The following COLGALT2 variants were observed in gnomAD, a reference collection of about 807,000 sequenced individuals.
COLGALT2 encodes the protein procollagen galactosyltransferase 2.
Under a neutral mutation model 73.4 loss-of-function variants are expected in COLGALT2, and 49 were observed. The observed-to-expected ratio is 0.67, with a 90% CI of 0.53 to 0.85. The LOEUF (loss-of-function observed/expected upper bound fraction) is 0.85. Ranked by LOEUF, COLGALT2 falls within the 40% of genes least tolerant of loss-of-function variation. The pLI is 0.00. For missense variants in COLGALT2, 722 were observed against 790.2 expected, an observed-to-expected ratio of 0.91 and a Z score of 1.03; for synonymous variants, 295 against 307.6, an observed-to-expected ratio of 0.96 and a Z score of 0.43.
In COLGALT2 at chr1:183,969,484, G is replaced by A. The variant is rs1430791832; in HGVS notation, c.628-11C>T. ...CCTCTTATAGAAGCCCTGTAAAAGA[G>A]CAAATAGGTGGGTTGTGTTTTCTGA... On this transcript the variant is annotated splice_polypyrimidine_tract_variant and intron_variant, in intron 4 of 11. Transcript: ENST00000361927. The A allele has an allele frequency of 6.3e-7, 1 of 1,594,288 alleles. No individual in the cohort carries two copies. The highest frequency in any genetic ancestry group is 8.5e-7 in the Non-Finnish European group (1 of 1,169,988).
chr1:183,976,317 C>T (rs1039976466), intron 2 of COLGALT2, among the ~76,000 whole-genome samples: 1 of 147,954 alleles, frequency 6.8e-6, no homozygotes, highest in African/African-American at 2.5e-5. Flanking sequence ...ATATACAGTC[C>T]ATGGGCTTGG....
chr1:183,994,026 CTTTTTTTTTTTT>C (rs869129633), intron 1 of COLGALT2, among the ~76,000 whole-genome samples: 18 of 70,040 alleles, frequency 2.6e-4, no homozygotes, highest in East Asian at 1.5e-3. Context: ...TCTTGTAATT[CTTTTTTTTTTTT>C]TTTTTTTTTT....
At chr1:184,015,860 C>T (rs994321946) in intron 1 of COLGALT2, among the ~76,000 whole-genome samples, 1 of 152,162 alleles carries the variant, frequency 6.6e-6, no homozygotes, top group Non-Finnish European at 1.5e-5. Flanking sequence ...TCCCTAAGTC[C>T]CAGCTGTAGA....
Position 183,962,802 on chromosome 1 carries a change from G to A in COLGALT2, c.952+1099C>T, listed in dbSNP as rs374351725. On this transcript the variant is annotated intron_variant, in intron 6 of 11. Transcript: ENST00000361927. ...TCCACCTACACTTTTCTTACCTGTA[G>A]AGTGACCTTTCTAAATCCAAATTCA... Among the ~76,000 whole-genome samples the A allele has an allele frequency of 7.9e-5, 12 of 152,322 alleles. No homozygotes were observed. The East Asian group carries it at 9.6e-4, about 12-fold the overall frequency.
At chr1:183,945,721 T>C (rs778128181) in intron 8 of COLGALT2, 157 bp from the exon 9 acceptor site, 3 of 790,084 alleles carry the variant, frequency 3.8e-6, no homozygotes, top group Non-Finnish European at 4.0e-6. Context: ...CAGGCTAATG[T>C]GTCACACTAG....
At chr1:183,986,587 CA>C (rs1396852092) in intron 1 of COLGALT2, among the ~76,000 whole-genome samples, 1 of 152,136 alleles carries the variant, frequency 6.6e-6, no homozygotes, top group Non-Finnish European at 1.5e-5. Flanking sequence ...ACAGTCAATT[CA>C]AAAGCCCATT....
At position 184,037,122 on chromosome 1, in the gene COLGALT2, T is replaced by G; in HGVS notation, c.236A>C (p.Asp79Ala). ...GATGGCCATCCTGCTCTTGGGGTAG[T>G]CCAGCCGCTCCAGGCAGCCGAGGAA... The part of the protein sequence containing the change: ...PHFLGCLERL[D>A]YPKSRMAIWA... The change falls in exon 1 of 12, where the codon GAC (aspartate) becomes GCC (alanine). Residue 79 changes from aspartate to alanine, a missense_variant. By Grantham distance (126) the Asp-to-Ala change is moderately radical (BLOSUM62 -2). Coordinates refer to ENST00000361927, the MANE Select transcript of COLGALT2 (RefSeq NM_015101.4). 1 of 1,596,214 alleles carries G rather than the reference T, an allele frequency of 6.3e-7. No individual in the cohort carries two copies. The highest frequency in any genetic ancestry group is 8.5e-7 in the Non-Finnish European group (1 of 1,173,702).
chr1:183,963,764 A>T, intron 6 of COLGALT2, 137 bp downstream of exon 6: 1 of 942,836 alleles, frequency 1.1e-6, no homozygotes, highest in Non-Finnish European at 1.5e-6. Context: ...GAAAGAATGA[A>T]CAAATAAATA....
chr1:183,977,812 A>AGAGAGAGAGAGAGAGAGAGAGAGAGAG (rs1553317022), intron 2 of COLGALT2, among the ~76,000 whole-genome samples: 6 of 52,318 alleles, frequency 1.1e-4, no homozygotes, highest in African/African-American at 2.3e-4. Context: ...GAAAGAGAGA[A>AGAGAGAGAGAGAGAGAGAGAGAGAGAG]AGAGAGAGAG....
chr1:184,015,096 T>TAAAAA (rs71717219), intron 1 of COLGALT2, among the ~76,000 whole-genome samples: 1 of 144,212 alleles, frequency 6.9e-6, no homozygotes, highest in Non-Finnish European at 1.5e-5. Context: ...TTCTAGTGGG[T>TAAAAA]AAAAAAAAAA....
At chr1:183,950,487 A>G (rs929367156) in intron 8 of COLGALT2, among the ~76,000 whole-genome samples, 1 of 152,076 alleles carries the variant, frequency 6.6e-6, no homozygotes, top group Non-Finnish European at 1.5e-5. Context: ...AAAAAAAAAA[A>G]AAGAAGGGAT....
In COLGALT2 at chr1:183,938,890, G is replaced by A. The variant is rs1670035534; in HGVS notation, c.1752C>T (p.Ala584=). 3.7e-6 allele frequency: 6 copies of A among 1,614,116 alleles called. No individual in the cohort carries two copies. The highest frequency in any genetic ancestry group is 5.1e-6 in the Non-Finnish European group (6 of 1,180,024). Reference sequence around the variant, plus strand: ...AGGCATGTGTCCTATCCCAGTCGGTGGCCACTGTCTCATTGTCCCAGATGG... The same window carrying A: ...AGGCATGTGTCCTATCCCAGTCGGTAGCCACTGTCTCATTGTCCCAGATGG... ...TSTIWDNETV[A]TDWDRTHAWK... is the part of the protein sequence containing the mutation. The change falls in exon 12 of 12, where the codon GCC becomes GCT. Residue 584 remains alanine, a synonymous_variant. Coordinates refer to ENST00000361927, the MANE Select transcript of COLGALT2 (RefSeq NM_015101.4).
At position 183,969,259 on chromosome 1, in the gene COLGALT2, C is replaced by T. The variant is rs763735024; in HGVS notation, c.832+10G>A. Reference sequence around the variant, plus strand: ...TCCATTGTGGCACTACAACCAAAGACAAACAGTACCTGCTTGCCTGCTGGA... The same window carrying T: ...TCCATTGTGGCACTACAACCAAAGATAAACAGTACCTGCTTGCCTGCTGGA... On this transcript the variant is annotated intron_variant, in intron 5 of 11. Transcript: ENST00000361927. 1.9e-6 allele frequency: 3 copies of T among 1,601,388 alleles called. No homozygotes were observed. The highest frequency in any genetic ancestry group is 2.6e-6 in the Non-Finnish European group (3 of 1,173,278).
At chr1:183,946,141 C>T (rs1233938432) in intron 8 of COLGALT2, 3 of 152,650 alleles carry the variant, frequency 2.0e-5, no homozygotes, top group South Asian at 4.1e-4. Context: ...AAGCTACATT[C>T]TCAGAGCTTG....
chr1:183,944,141 T>C (rs1319465886), intron 10 of COLGALT2, 55 bp downstream of exon 10: 2 of 1,538,170 alleles, frequency 1.3e-6, no homozygotes, highest in Non-Finnish European at 8.7e-7. Context: ...CTCTGCGCAT[T>C]GGAAAGGACT....
intron 1 of COLGALT2, among the ~76,000 whole-genome samples, chr1:183,981,614 G>A (rs1181634518): frequency 6.6e-6 from 1 of 152,160 alleles, no homozygotes; most frequent in African/African-American, 2.4e-5. Context: ...CCGAGATCGG[G>A]CCACTGCACT....
intron 1 of COLGALT2, among the ~76,000 whole-genome samples, chr1:183,991,411 G>T (rs1558328309): frequency 1.3e-5 from 2 of 152,078 alleles, no homozygotes; most frequent in South Asian, 2.1e-4. Context: ...GAGAAAGCTG[G>T]ACTAGAAATG....
chr1:183,979,454 G>A lies in COLGALT2; in HGVS notation c.264-934C>T, dbSNP rs183857981. On this transcript the variant is annotated intron_variant, in intron 1 of 11. Transcript: ENST00000361927. ...ATTCACATCAAAATATACAAAGTAT[G>A]AATATCTATACATTTTCATATATTA... 2.4e-3 allele frequency among the ~76,000 whole-genome samples: 362 copies of A among 152,200 alleles called. 2 individuals are homozygous for A. The highest frequency in any genetic ancestry group is 4.2e-3 in the Admixed American group (64 of 15,288).
At chr1:183,929,890 CA>C (rs1360345494) in exon 12 of COLGALT2, 2 of 183,084 alleles carry the variant, frequency 1.1e-5, no homozygotes, top group Non-Finnish European at 2.3e-5. Flanking sequence ...TTTTTTCTTT[CA>C]CGGGACAGTG....
Sources: allele counts gnomAD v4.1 joint callset (sites outside exome capture counted in the v4.1 genomes callset), GRCh38; gene constraint gnomAD v4.1.1; transcripts MANE v1.5; gene names NCBI Gene and HGNC (gene_info 2026-07-23, HGNC 2026-07-21).